Variants in MEF2C observed in about 807,000 individuals in gnomAD.
MEF2C encodes myocyte enhancer factor 2C.
Under a neutral mutation model 50.5 loss-of-function variants are expected in MEF2C, and 6 were observed. The observed-to-expected ratio is 0.12, with a 90% CI of 0.07 to 0.23. MEF2C has a LOEUF of 0.23. MEF2C is among the 10% of genes least tolerant of loss of function. The probability of loss-of-function intolerance (pLI) is 1.00; values close to 1 mark genes in which losing one functional copy is unlikely to be tolerated. For missense variants in MEF2C, 276 were observed against 605.0 expected, an observed-to-expected ratio of 0.46 and a Z score of 5.70; for synonymous variants, 183 against 228.0, an observed-to-expected ratio of 0.80 and a Z score of 1.78.
intron 3 of MEF2C, chr5:88,772,764 G>C (rs1382301124): frequency 1.0e-6 from 1 of 985,384 alleles, no homozygotes; most frequent in Non-Finnish European, 1.2e-6. Flanking sequence ...GTGGCTATAA[G>C]TCATTCACTC....
chr5:88,742,054 G>C (rs1489590463), intron 6 of MEF2C: 1 of 985,236 alleles, frequency 1.0e-6, no homozygotes, highest in African/African-American at 1.7e-5. Flanking sequence ...CAAAATTTAA[G>C]TGATTGGCAA....
upstream of MEF2C, among the ~76,000 whole-genome samples, chr5:88,884,050 C>T (rs1430505516): frequency 3.3e-5 from 5 of 152,192 alleles, no homozygotes; most frequent in East Asian, 9.6e-4. Flanking sequence ...CTTTATTGCA[C>T]GAAATGAAGA....
At chr5:88,831,477 T>A (rs1171408662) in intron 1 of MEF2C, among the ~76,000 whole-genome samples, 4 of 151,852 alleles carry the variant, frequency 2.6e-5, no homozygotes, top group African/African-American at 9.7e-5. Context: ...ATTATTTATT[T>A]TCCAATTTAC....
At chr5:88,838,819 T>A in intron 1 of MEF2C, 12 of 815,802 alleles carry the variant, frequency 1.5e-5, no homozygotes, top group Non-Finnish European at 1.8e-5. Flanking sequence ...CAGGGAAGTT[T>A]CCACTTCAAA....
At chr5:88,737,828 C>T in intron 6 of MEF2C, 1 of 985,370 alleles carries the variant, frequency 1.0e-6, no homozygotes, top group Non-Finnish European at 1.2e-6. Flanking sequence ...GTTAACTTTA[C>T]ACTGTAGGCT....
intron 4 of MEF2C, chr5:88,752,760 A>G (rs1773433920): frequency 1.0e-6 from 1 of 985,414 alleles, no homozygotes; most frequent in African/African-American, 1.7e-5. Flanking sequence ...GTGGATGTCT[A>G]ATTAGATTAA....
chr5:88,763,930 G>A (rs1778907573), intron 3 of MEF2C, among the ~76,000 whole-genome samples: 1 of 152,146 alleles, frequency 6.6e-6, no homozygotes, highest in Admixed American at 6.5e-5. Flanking sequence ...GGGATTACAG[G>A]CATGAGCCAT....
intron 4 of MEF2C, among the ~76,000 whole-genome samples, chr5:88,755,205 C>A (rs906865554): frequency 1.3e-5 from 2 of 152,164 alleles, no homozygotes; most frequent in Admixed American, 1.3e-4. Flanking sequence ...GGAAGACACT[C>A]TACTGACACA....
chr5:88,850,728 G>GCA (rs372726587), intron 1 of MEF2C, among the ~76,000 whole-genome samples: 5 of 150,654 alleles, frequency 3.3e-5, no homozygotes, highest in Admixed American at 2.0e-4. Flanking sequence ...ACATATATAT[G>GCA]CACACACACA....
chr5:88,822,751 G>T (rs1328237240), intron 2 of MEF2C, among the ~76,000 whole-genome samples: 1 of 151,922 alleles, frequency 6.6e-6, no homozygotes, highest in East Asian at 1.9e-4. Flanking sequence ...ATTACAGTCT[G>T]GTGGTTGTCC....
At chr5:88,734,805 A>T in intron 6 of MEF2C, 1 of 980,336 alleles carries the variant, frequency 1.0e-6, no homozygotes, top group Non-Finnish European at 1.2e-6. Context: ...TTATTTGGAA[A>T]TTACGCCATT....
chr5:88,783,197 G>A (rs559102360), intron 3 of MEF2C, among the ~76,000 whole-genome samples: 1 of 152,198 alleles, frequency 6.6e-6, no homozygotes, highest in Admixed American at 6.5e-5. Flanking sequence ...CATCATGGTC[G>A]TCGTTATCAT....
intron 1 of MEF2C, among the ~76,000 whole-genome samples, chr5:88,870,366 A>C (rs948918101): frequency 6.6e-6 from 1 of 152,036 alleles, no homozygotes; most frequent in Non-Finnish European, 1.5e-5. Flanking sequence ...ATATATTCTC[A>C]GTTACTCTTT....
chr5:88,792,309 T>C (rs150827321), intron 3 of MEF2C, among the ~76,000 whole-genome samples: 112 of 152,242 alleles, frequency 7.4e-4, no homozygotes, highest in African/African-American at 2.6e-3. Flanking sequence ...AACTTGCAAG[T>C]GCTTTCTGAC....
At chr5:88,856,815 C>T (rs898337948) in intron 1 of MEF2C, among the ~76,000 whole-genome samples, 16 of 152,358 alleles carry the variant, frequency 1.1e-4, no homozygotes, top group Non-Finnish European at 2.4e-4. Flanking sequence ...GCCTGGATGT[C>T]TAGGCAGAAG....
In MEF2C at chr5:88,718,054, C is replaced by A. The variant is rs563362946; in HGVS notation, c.*4550G>T. Reference sequence around the variant, plus strand: ...GCTGAATTCTGTAATACCCTAAGAACCGTCATCCAATTCACACCCCTCCCA... The same window carrying A: ...GCTGAATTCTGTAATACCCTAAGAAACGTCATCCAATTCACACCCCTCCCA... On this transcript the variant is annotated 3_prime_UTR_variant, in exon 11 of 11. Coordinates refer to ENST00000504921, the MANE Select transcript of MEF2C (RefSeq NM_002397.5). 1 of 152,276 alleles carries A rather than the reference C, an allele frequency of 6.6e-6. No homozygotes were observed. The highest frequency in any genetic ancestry group is 2.1e-4 in the South Asian group (1 of 4,820). 9.4% of individuals were successfully genotyped at this position (152,276 alleles called of 1,614,324 possible).
At chr5:88,772,611 G>A (rs1305139220) in intron 3 of MEF2C, 5 of 483,036 alleles carry the variant, frequency 1.0e-5, no homozygotes, top group African/African-American at 4.2e-5. Flanking sequence ...CAGGCAGAGA[G>A]ATTTTTCAAG....
chr5:88,764,994 GC>G (rs1779434488), intron 3 of MEF2C, among the ~76,000 whole-genome samples: 1 of 151,976 alleles, frequency 6.6e-6, no homozygotes, highest in African/African-American at 2.4e-5. Context: ...TAGGTCAGTG[GC>G]TCACTTTGTA....
chr5:88,843,712 A>C (rs1818260286), intron 1 of MEF2C, among the ~76,000 whole-genome samples: 1 of 152,158 alleles, frequency 6.6e-6, no homozygotes, highest in Non-Finnish European at 1.5e-5. Context: ...TTCTATTTCA[A>C]GTTGGAAACA....
Sources: gnomAD v4.1 joint callset for allele counts (sites outside exome capture counted in the v4.1 genomes callset) on GRCh38, gnomAD v4.1.1 for gene constraint, MANE v1.5 for transcripts, NCBI Gene and HGNC (gene_info 2026-07-23, HGNC 2026-07-21) for gene names.